TBC1D31: variants seen among roughly 807,000 people sequenced by gnomAD.
TBC1D31 encodes WD repeat domain 67.
In TBC1D31, 99 loss-of-function variants were observed where a neutral mutation model predicts 132.9. The ratio of observed to expected loss-of-function variants is 0.74; its 90% confidence interval spans 0.63 to 0.88. TBC1D31 has a LOEUF of 0.88. Among genes scored for constraint, TBC1D31 ranks in the 40% least tolerant of loss-of-function variants. The pLI is 0.00. For missense variants in TBC1D31, 1,134 were observed against 1,256.6 expected (o/e 0.90, Z 1.48); for synonymous variants, 385 against 419.4 (o/e 0.92, Z 1.00).
intron 7 of TBC1D31, among the ~76,000 whole-genome samples, chr8:123,104,478 C>T (rs1006999242): frequency 1.3e-5 from 2 of 152,016 alleles, no homozygotes; most frequent in African/African-American, 4.8e-5. Flanking sequence ...TAATCCCATC[C>T]CATAGATGAA....
chr8:123,117,358 T>G (rs1186860793), intron 10 of TBC1D31, among the ~76,000 whole-genome samples: 2 of 151,976 alleles, frequency 1.3e-5, no homozygotes, highest in Non-Finnish European at 2.9e-5. Flanking sequence ...TGCATAGTCT[T>G]AAAATATCTC....
At chr8:123,157,161 C>T in the TBC1D31 span, among the ~76,000 whole-genome samples, 1 of 152,286 alleles carries the variant, frequency 6.6e-6, no homozygotes, top group South Asian at 2.1e-4. Context: ...TTGTTGTCAC[C>T]CCCGGACTTT....
the TBC1D31 span, among the ~76,000 whole-genome samples, chr8:123,160,939 A>G: frequency 1.3e-5 from 2 of 152,192 alleles, no homozygotes; most frequent in Non-Finnish European, 2.9e-5. Context: ...GAATCCCGGC[A>G]GGAGCGGAGA....
rs770909554 is a variant in TBC1D31 at position 123,134,125 on chromosome 8, A to T, written c.2418A>T (p.Arg806Ser). The change falls in exon 17 of 22, where the codon AGA becomes AGT. Residue 806 changes from arginine to serine, a missense_variant. By Grantham distance (110) the Arg-to-Ser change is moderately radical. Transcript: ENST00000287380. ...DDEIGRKVYM[R>S]DREIAATARD... is the part of the protein sequence containing the mutation. The stretch of plus-strand genomic sequence containing the variant: ...TTGTTTGGCCATAGGTATATATGAG[A>T]GATCGAGAAATTGCTGCCACAGCCA... 1.9e-6 allele frequency: 3 copies of T among 1,613,526 alleles called. No individual in the cohort carries two copies. Among genetic ancestry groups the T allele is most frequent in the African/African-American group, 2.7e-5 (2 of 74,900 alleles).
At chr8:123,102,032 TC>T (rs1375699977) in intron 7 of TBC1D31, among the ~76,000 whole-genome samples, 2 of 152,214 alleles carry the variant, frequency 1.3e-5, no homozygotes, top group Admixed American at 1.3e-4. Flanking sequence ...ATAGCTTCCC[TC>T]ATTATCCCCA....
downstream of TBC1D31, among the ~76,000 whole-genome samples, chr8:123,154,811 A>T (rs1469459819): frequency 1.3e-5 from 2 of 152,162 alleles, no homozygotes; most frequent in African/African-American, 4.8e-5. Flanking sequence ...GCACGACTAG[A>T]TGTCCCCCAT....
chr8:123,155,217 A>G (rs539904319), downstream of TBC1D31, among the ~76,000 whole-genome samples: 3 of 152,212 alleles, frequency 2.0e-5, no homozygotes, highest in African/African-American at 4.8e-5. The surrounding 1 kb of genome is among the most constrained non-coding windows in gnomAD (Gnocchi z 4.1). Context: ...TCACCTCCCA[A>G]TGCCATGCTC....
chr8:123,077,101 T>C lies in TBC1D31; in HGVS notation c.78-10T>C. The stretch of plus-strand genomic sequence containing the variant: ...CATAGATTCAATGTTTGGGTTTTTT[T>C]CTTTGACAGAATTATAGTGAACATT... On this transcript the variant is annotated splice_polypyrimidine_tract_variant and intron_variant, in intron 1 of 21. Transcript: ENST00000287380. 3 of 1,568,542 alleles carry C rather than the reference T, an allele frequency of 1.9e-6. No individual in the cohort carries two copies. The highest frequency in any genetic ancestry group is 2.6e-6 in the Non-Finnish European group (3 of 1,160,896).
chr8:123,126,501 G>A lies in TBC1D31; in HGVS notation c.1705-7G>A, dbSNP rs747625775. 1.1e-4 allele frequency: 177 copies of A among 1,610,270 alleles called. 1 individual carries two copies. In the Admixed American group the frequency reaches 3.0e-3, roughly 27 times the overall value. ...AAAAATAATAAATTTTTCCTTATCT[G>A]TTTTAGCTATATGCATGGCCTCTTC... is the stretch of plus-strand genomic sequence containing the variant. On this transcript the variant is annotated splice_region_variant and splice_polypyrimidine_tract_variant and intron_variant, in intron 12 of 21. Coordinates refer to ENST00000287380, the MANE Select transcript of TBC1D31 (RefSeq NM_145647.4).
chr8:123,157,251 T>C, the TBC1D31 span, among the ~76,000 whole-genome samples: 1 of 152,146 alleles, frequency 6.6e-6, no homozygotes, highest in Admixed American at 6.6e-5. Context: ...AGGATCGAAC[T>C]CACGACCTTC....
At chr8:123,079,017 G>A (rs1814845711) in intron 2 of TBC1D31, among the ~76,000 whole-genome samples, 1 of 152,170 alleles carries the variant, frequency 6.6e-6, no homozygotes, top group South Asian at 2.1e-4. Flanking sequence ...TCATTTCTGT[G>A]ATATTCCTCC....
intron 20 of TBC1D31, among the ~76,000 whole-genome samples, chr8:123,146,014 G>A (rs938732366): frequency 2.6e-5 from 4 of 151,772 alleles, no homozygotes; most frequent in African/African-American, 7.3e-5. Context: ...GGGATTACAG[G>A]CCTACACCAC....
At chr8:123,101,783 T>C (rs1817448459) in intron 7 of TBC1D31, among the ~76,000 whole-genome samples, 1 of 152,216 alleles carries the variant, frequency 6.6e-6, no homozygotes, top group African/African-American at 2.4e-5. Flanking sequence ...TATCCTTGTA[T>C]TGGTCTTCAT....
downstream of TBC1D31, among the ~76,000 whole-genome samples, chr8:123,154,449 G>T (rs1278597310): frequency 6.6e-6 from 1 of 152,202 alleles, no homozygotes; most frequent in Non-Finnish European, 1.5e-5. Context: ...ACTGGGGAGG[G>T]TCTCAGAGTT....
chr8:123,157,719 G>GCACACACACACA, the TBC1D31 span, among the ~76,000 whole-genome samples: 9,852 of 147,880 alleles, frequency 0.067, 379 homozygotes, highest in Non-Finnish European at 0.094. Context: ...GCGCGCGCGC[G>GCACACACACACA]CACACACACA....
In TBC1D31 at chr8:123,144,818, T is replaced by C. The variant is rs1441448993; in HGVS notation, c.2937T>C (p.Asn979=). 1 of 1,613,632 alleles carries C rather than the reference T, an allele frequency of 6.2e-7. No individual in the cohort carries two copies. Among genetic ancestry groups the C allele is most frequent in the Admixed American group, 1.7e-5 (1 of 59,908 alleles). Residue 979 remains asparagine (N), a synonymous_variant, in exon 20 of 22, where the codon AAT becomes AAC. Transcript: ENST00000287380. ...SRKWFLKQEI[N]AAVEHAENPC... ...AGTGGTTTTTAAAGCAAGAGATAAATGCGGCTGTAGAACATGCTGAAAATC... is the reference window on the plus strand; with the variant it reads ...AGTGGTTTTTAAAGCAAGAGATAAACGCGGCTGTAGAACATGCTGAAAATC...
At chr8:123,073,530 G>C in intron 1 of TBC1D31, 1 of 380,512 alleles carries the variant, frequency 2.6e-6, no homozygotes, top group Non-Finnish European at 5.2e-6. Context: ...TCCTGTTTGA[G>C]GCTCAGCCTG....
intron 12 of TBC1D31, 117 bp from the exon 13 acceptor site, chr8:123,126,391 A>T: frequency 8.5e-7 from 1 of 1,179,806 alleles, no homozygotes; most frequent in Non-Finnish European, 1.2e-6. Context: ...AGTTATTTTC[A>T]TAATTATGTA....
At chr8:123,146,067 G>T (rs1019026753) in intron 20 of TBC1D31, among the ~76,000 whole-genome samples, 3 of 151,792 alleles carry the variant, frequency 2.0e-5, no homozygotes, top group Admixed American at 1.3e-4. Context: ...ATGGGTTTTC[G>T]CCATGTTGGC....
Sources: allele counts gnomAD v4.1 joint callset (sites outside exome capture counted in the v4.1 genomes callset), GRCh38; gene constraint gnomAD v4.1.1; non-coding constraint Gnocchi (gnomAD v3.1); transcripts MANE v1.5; gene names NCBI Gene and HGNC (gene_info 2026-07-23, HGNC 2026-07-21).